The following TMEM132B variants were observed in gnomAD, a reference collection of about 807,000 sequenced individuals.
The protein encoded by TMEM132B is transmembrane protein 132B.
Under a neutral mutation model 90.8 loss-of-function variants are expected in TMEM132B, and 18 were observed. The ratio of observed to expected loss-of-function variants is 0.20; its 90% CI spans 0.14 to 0.29. The LOEUF is 0.29. Among genes scored for constraint, TMEM132B ranks in the 10% least tolerant of loss-of-function variants. The pLI, the probability that TMEM132B is intolerant of heterozygous loss-of-function variation, is 1.00. For synonymous variants in TMEM132B, 504 were observed against 523.3 expected (o/e 0.96, Z 0.50); for missense variants, 1,096 against 1,326.8 (o/e 0.83, Z 2.70).
chr12:125,414,589 C>T (rs1310894111), intron 2 of TMEM132B, among the ~76,000 whole-genome samples: 1 of 152,124 alleles, frequency 6.6e-6, no homozygotes, highest in African/African-American at 2.4e-5. Context: ...CCTTCCCAGC[C>T]CAGCCTGCAC....
intron 1 of TMEM132B, among the ~76,000 whole-genome samples, chr12:125,249,371 C>G (rs901597399): frequency 6.6e-6 from 1 of 152,104 alleles, no homozygotes; most frequent in African/African-American, 2.4e-5. Context: ...TGAGAACCAC[C>G]GAGTGAAACA....
chr12:125,338,292 C>T (rs975228936), intron 1 of TMEM132B, among the ~76,000 whole-genome samples: 1 of 152,196 alleles, frequency 6.6e-6, no homozygotes, highest in Non-Finnish European at 1.5e-5. Context: ...GTGACCAGCT[C>T]TCTTGTCTTC....
At chr12:125,527,759 C>T (rs1883535713) in intron 4 of TMEM132B, among the ~76,000 whole-genome samples, 1 of 152,156 alleles carries the variant, frequency 6.6e-6, no homozygotes, top group Admixed American at 6.5e-5. Context: ...CACCAATCCA[C>T]CTTCCATCTA....
intron 1 of TMEM132B, among the ~76,000 whole-genome samples, chr12:125,291,631 A>G (rs147163357): frequency 1.3e-5 from 2 of 152,298 alleles, no homozygotes; most frequent in East Asian, 3.9e-4. Context: ...TTGGAAGAGG[A>G]TCCTGAGCTC....
Position 125,498,050 on chromosome 12 carries a change from A to G in TMEM132B, c.1107-21389A>G, listed in dbSNP as rs1046542876. 6.6e-6 allele frequency among the ~76,000 whole-genome samples: 1 copy of G among 152,162 alleles called. No individual in the cohort carries two copies. Among genetic ancestry groups the G allele is most frequent in the Non-Finnish European group, 1.5e-5 (1 of 68,028 alleles). ...CGCCAAAGGGGAAGAGAGCCCTGAAATTCTCCCACTAGCAATTAAATGATC... is the reference window on the plus strand; with the variant it reads ...CGCCAAAGGGGAAGAGAGCCCTGAAGTTCTCCCACTAGCAATTAAATGATC... On this transcript the variant is annotated intron_variant, in intron 3 of 8. Transcript: ENST00000682704. The surrounding 1 kb of genome is among the most constrained non-coding windows in gnomAD (Gnocchi z 4.5).
intron 6 of TMEM132B, among the ~76,000 whole-genome samples, chr12:125,646,283 A>C (rs1410746230): frequency 6.6e-6 from 1 of 152,256 alleles, no homozygotes; most frequent in Non-Finnish European, 1.5e-5. Flanking sequence ...TGCTAATAGC[A>C]GAATGCAAGA....
intron 1 of TMEM132B, among the ~76,000 whole-genome samples, chr12:125,332,117 G>C (rs1194251074): frequency 1.3e-5 from 2 of 152,124 alleles, no homozygotes; most frequent in Non-Finnish European, 2.9e-5. Context: ...TCATAGGATT[G>C]TGTAAAGAAT....
intron 2 of TMEM132B, among the ~76,000 whole-genome samples, chr12:125,373,014 T>C (rs1276152235): frequency 5.9e-5 from 9 of 152,212 alleles, no homozygotes; most frequent in Admixed American, 1.3e-4. Flanking sequence ...CCCTATGTGG[T>C]CCTCTTTGGC....
chr12:125,639,552 C>A (rs1300864447), intron 5 of TMEM132B, among the ~76,000 whole-genome samples: 1 of 152,180 alleles, frequency 6.6e-6, no homozygotes, highest in Admixed American at 6.5e-5. Flanking sequence ...AGATTACCAT[C>A]AGGTGGGGAA....
At chr12:125,469,286 G>A (rs978208654) in intron 3 of TMEM132B, among the ~76,000 whole-genome samples, 3 of 152,048 alleles carry the variant, frequency 2.0e-5, no homozygotes, top group Admixed American at 1.3e-4. Flanking sequence ...GTTAAGTTTC[G>A]TTTCTGCCAT....
intron 1 of TMEM132B, among the ~76,000 whole-genome samples, chr12:125,222,360 A>G (rs1873578159): frequency 6.6e-6 from 1 of 152,200 alleles, no homozygotes; most frequent in Non-Finnish European, 1.5e-5. Flanking sequence ...AGAATTGCAT[A>G]GTTACTATAA....
At chr12:125,606,133 C>G (rs374064832) in intron 5 of TMEM132B, among the ~76,000 whole-genome samples, 1 of 151,808 alleles carries the variant, frequency 6.6e-6, no homozygotes, top group Admixed American at 6.6e-5. Context: ...GTTGGTGACC[C>G]GAGAGATATT....
At chr12:125,621,528 G>T (rs960366339) in intron 5 of TMEM132B, among the ~76,000 whole-genome samples, 2 of 152,158 alleles carry the variant, frequency 1.3e-5, no homozygotes, top group South Asian at 2.1e-4. Flanking sequence ...ATGGATCTCA[G>T]TGGCAGATAT....
intron 5 of TMEM132B, among the ~76,000 whole-genome samples, chr12:125,627,273 C>A (rs1044656201): frequency 7.2e-5 from 11 of 152,126 alleles, no homozygotes; most frequent in African/African-American, 2.7e-4. Flanking sequence ...GTCCAAACAA[C>A]TGAATCATAT....
At chr12:125,239,083 G>A (rs1475529965) in intron 1 of TMEM132B, among the ~76,000 whole-genome samples, 9 of 152,130 alleles carry the variant, frequency 5.9e-5, no homozygotes, top group Admixed American at 5.9e-4. Context: ...GAGATGCCTG[G>A]TATGGGAAGG....
rs1381400368 is a variant in TMEM132B at position 125,488,149 on chromosome 12, C to G, written c.1107-31290C>G. Among the ~76,000 whole-genome samples, 5 of 152,244 alleles carry G rather than the reference C, an allele frequency of 3.3e-5. No homozygotes were observed. The East Asian group carries it at 9.6e-4, about 29-fold the overall frequency. ...AACTTCTTAATTTGATAGACAGTATCTTCTAGAACTTTAAAATAAACATTA... is the reference window on the plus strand; with the variant it reads ...AACTTCTTAATTTGATAGACAGTATGTTCTAGAACTTTAAAATAAACATTA... On this transcript the variant is annotated intron_variant, in intron 3 of 8. Transcript: ENST00000682704.
chr12:125,409,585 T>TGGAGG (rs1879632524), intron 2 of TMEM132B, among the ~76,000 whole-genome samples: 2 of 109,618 alleles, frequency 1.8e-5, no homozygotes, highest in South Asian at 3.1e-4. Context: ...TGGAGTGGAG[T>TGGAGG]GGAGTGGAGT....
At chr12:125,333,413 TTACTC>T (rs1285832750) in intron 1 of TMEM132B, among the ~76,000 whole-genome samples, 2 of 152,226 alleles carry the variant, frequency 1.3e-5, no homozygotes, top group African/African-American at 4.8e-5. Context: ...TGGGGGGACA[TTACTC>T]AACCCACTAC....
At chr12:125,487,371 T>C (rs1882230459) in intron 3 of TMEM132B, among the ~76,000 whole-genome samples, 1 of 152,168 alleles carries the variant, frequency 6.6e-6, no homozygotes, top group Admixed American at 6.6e-5. Flanking sequence ...CTAGTTAGGG[T>C]AATTAATGTT....
Sources: allele counts gnomAD v4.1 joint callset (sites outside exome capture counted in the v4.1 genomes callset), GRCh38; gene constraint gnomAD v4.1.1; non-coding constraint Gnocchi (gnomAD v3.1); transcripts MANE v1.5; gene names NCBI Gene and HGNC (gene_info 2026-07-23, HGNC 2026-07-21).